CCDC148: variants seen among roughly 807,000 people sequenced by gnomAD.
CCDC148 encodes coiled-coil domain containing 148.
A neutral mutation model predicts 85.7 loss-of-function variants in CCDC148; 89 were observed. That is an observed-to-expected ratio of 1.04 (90% CI 0.87 to 1.24). The LOEUF (loss-of-function observed/expected upper bound fraction) is 1.24. Ranked by LOEUF, CCDC148 falls within the 50% of genes most tolerant of loss-of-function variation. The pLI is 0.00. For missense variants in CCDC148, 692 were observed against 671.7 expected, an observed-to-expected ratio of 1.03 and a Z score of -0.33; for synonymous variants, 230 against 213.9, an observed-to-expected ratio of 1.08 and a Z score of -0.66.
chr2:158,207,079 A>G (rs970194007), intron 11 of CCDC148, among the ~76,000 whole-genome samples: 1 of 152,224 alleles, frequency 6.6e-6, no homozygotes, highest in Non-Finnish European at 1.5e-5. Context: ...GACAGAAAAA[A>G]TAATTGGATT....
chr2:158,387,381 T>G (rs561712110), intron 1 of CCDC148, among the ~76,000 whole-genome samples: 22 of 152,198 alleles, frequency 1.4e-4, no homozygotes, highest in Middle Eastern at 3.4e-3. Context: ...AGTTTTCTCC[T>G]CTCCTATATT....
At chr2:158,310,377 C>T (rs1240600078) in intron 8 of CCDC148, among the ~76,000 whole-genome samples, 4 of 152,264 alleles carry the variant, frequency 2.6e-5, no homozygotes, top group Admixed American at 2.6e-4. Context: ...CTACATTTCC[C>T]CCTTTTCTAT....
intron 11 of CCDC148, among the ~76,000 whole-genome samples, chr2:158,202,515 C>T (rs1686019896): frequency 6.6e-6 from 1 of 152,196 alleles, no homozygotes; most frequent in Non-Finnish European, 1.5e-5. Flanking sequence ...CCCGCTTCTT[C>T]CACCATCCTG....
chr2:158,328,778 T>A (rs1055448854), intron 7 of CCDC148, among the ~76,000 whole-genome samples: 23 of 152,246 alleles, frequency 1.5e-4, no homozygotes, highest in Non-Finnish European at 5.9e-5. Flanking sequence ...TGATGAGCAT[T>A]TTTTCATGTG....
At chr2:158,279,071 G>C (rs928291376) in intron 9 of CCDC148, among the ~76,000 whole-genome samples, 3 of 152,220 alleles carry the variant, frequency 2.0e-5, no homozygotes, top group African/African-American at 7.2e-5. Context: ...TGAGGGTCCT[G>C]TCTGTTAGAA....
intron 11 of CCDC148, among the ~76,000 whole-genome samples, chr2:158,185,567 G>A (rs575303408): frequency 6.6e-6 from 1 of 152,216 alleles, no homozygotes; most frequent in East Asian, 1.9e-4. Flanking sequence ...GAGTTCAGGT[G>A]AGCTGGAAGT....
chr2:158,321,876 C>A (rs1397552132), intron 7 of CCDC148, among the ~76,000 whole-genome samples: 1 of 152,058 alleles, frequency 6.6e-6, no homozygotes, highest in Non-Finnish European at 1.5e-5. Flanking sequence ...GCATAGATTT[C>A]TCTTTTGGCA....
intron 3 of CCDC148, among the ~76,000 whole-genome samples, chr2:158,340,957 G>A (rs1682655818): frequency 6.6e-6 from 1 of 151,854 alleles, no homozygotes; most frequent in Non-Finnish European, 1.5e-5. Context: ...AAGGTCAGTA[G>A]GCTGACCTCA....
Position 158,178,974 on chromosome 2 carries a change from A to G in CCDC148, c.1393T>C (p.Leu465=), listed in dbSNP as rs763028313. The G allele has an allele frequency of 1.2e-6, 2 of 1,613,040 alleles. No individual in the cohort carries two copies. The highest frequency in any genetic ancestry group is 1.7e-6 in the Non-Finnish European group (2 of 1,179,502). The stretch of plus-strand genomic sequence containing the variant: ...TTTTTCTCCATCAAACGCCTTTCCA[A>G]TAATTCTTGTCTATATTTAACCCTT... The part of the protein sequence containing the change: ...RERVKYRQEL[L]ERRLMEKKEV... Residue 465 remains leucine (L), a synonymous_variant, in exon 12 of 14, where the codon TTG becomes CTG. Coordinates refer to ENST00000283233, the MANE Select transcript of CCDC148 (RefSeq NM_138803.4).
chr2:158,375,929 G>A (rs186399869), intron 1 of CCDC148, among the ~76,000 whole-genome samples: 62 of 152,006 alleles, frequency 4.1e-4, no homozygotes, highest in Admixed American at 2.7e-3. Context: ...TACCAGCCCT[G>A]GACTCTTTCC....
chr2:158,246,791 AC>A (rs1688587470), intron 10 of CCDC148, among the ~76,000 whole-genome samples: 1 of 152,146 alleles, frequency 6.6e-6, no homozygotes, highest in African/African-American at 2.4e-5. Flanking sequence ...CAAGTGCAGA[AC>A]CCCAGACCAG....
chr2:158,397,140 G>C (rs772732906), intron 1 of CCDC148, among the ~76,000 whole-genome samples: 2 of 152,000 alleles, frequency 1.3e-5, no homozygotes, highest in Non-Finnish European at 2.9e-5. Flanking sequence ...GCAAGAATCT[G>C]TCTCAAAATC....
chr2:158,442,918 A>G (rs748595537), intron 1 of CCDC148, among the ~76,000 whole-genome samples: 2 of 152,078 alleles, frequency 1.3e-5, no homozygotes, highest in Non-Finnish European at 2.9e-5. Flanking sequence ...CCAGATGCAA[A>G]CCCAGGCAGT....
chr2:158,215,858 A>G (rs1686824038), intron 11 of CCDC148, among the ~76,000 whole-genome samples: 1 of 152,132 alleles, frequency 6.6e-6, no homozygotes, highest in Admixed American at 6.6e-5. Context: ...ACGCCCTTGT[A>G]AGAAAAGACA....
At chr2:158,425,161 G>A in intron 1 of CCDC148, 1 of 518,538 alleles carries the variant, frequency 1.9e-6, no homozygotes, top group Non-Finnish European at 3.9e-6. Context: ...AACTGTAGTG[G>A]CTATGGCAGA....
At chr2:158,405,280 A>C (rs1685949924) in intron 1 of CCDC148, among the ~76,000 whole-genome samples, 1 of 152,148 alleles carries the variant, frequency 6.6e-6, no homozygotes, top group Non-Finnish European at 1.5e-5. Flanking sequence ...CAGAATTTTT[A>C]AATTGCCTAT....
chr2:158,423,819 T>A (rs2105325878), intron 1 of CCDC148, among the ~76,000 whole-genome samples: 1 of 152,310 alleles, frequency 6.6e-6, no homozygotes, highest in East Asian at 1.9e-4. Flanking sequence ...TCTACTCATC[T>A]GACAAAGGGC....
chr2:158,343,261 G>A (rs984283547), intron 3 of CCDC148, among the ~76,000 whole-genome samples: 2 of 152,098 alleles, frequency 1.3e-5, no homozygotes, highest in Non-Finnish European at 2.9e-5. Flanking sequence ...TGTAGAAAAA[G>A]GAAAAAGCTA....
chr2:158,285,258 A>G (rs1461513890), intron 9 of CCDC148, among the ~76,000 whole-genome samples: 2 of 149,710 alleles, frequency 1.3e-5, no homozygotes, highest in Non-Finnish European at 3.0e-5. Context: ...ATTGCACTCC[A>G]GGCTGGGCAG....
Sources: allele counts gnomAD v4.1 joint callset (sites outside exome capture counted in the v4.1 genomes callset), GRCh38; gene constraint gnomAD v4.1.1; transcripts MANE v1.5; gene names NCBI Gene and HGNC (gene_info 2026-07-23, HGNC 2026-07-21).